The following TBC1D9 variants were observed in gnomAD, a reference collection of about 807,000 sequenced individuals.
TBC1D9 encodes the protein TBC1 domain family member 9.
Under a neutral mutation model 132.0 loss-of-function variants are expected in TBC1D9, and 63 were observed. The observed-to-expected ratio is 0.48, with a 90% CI of 0.39 to 0.59. The LOEUF (loss-of-function observed/expected upper bound fraction) is 0.59, where lower values mean the gene tolerates loss of function less well. Among genes scored for constraint, TBC1D9 ranks in the 20% least tolerant of loss-of-function variants. The pLI, the probability that TBC1D9 is intolerant of heterozygous loss-of-function variation, is 0.00. For missense variants in TBC1D9, 1,261 were observed against 1,592.7 expected, an observed-to-expected ratio of 0.79 and a Z score of 3.54; for synonymous variants, 610 against 609.9, an observed-to-expected ratio of 1.00 and a Z score of 0.00.
chr4:140,712,603 G>A (rs1435714010), intron 1 of TBC1D9, among the ~76,000 whole-genome samples: 4 of 150,288 alleles, frequency 2.7e-5, no homozygotes, highest in African/African-American at 7.3e-5. Flanking sequence ...TTAGCTAGGC[G>A]TAGTGGCGGG....
At chr4:140,631,423 G>A (rs543754138) in intron 16 of TBC1D9, among the ~76,000 whole-genome samples, 43 of 151,968 alleles carry the variant, frequency 2.8e-4, no homozygotes, top group African/African-American at 3.9e-4. Context: ...GGGTTTCACC[G>A]TGTTAGCCAG....
intron 9 of TBC1D9, among the ~76,000 whole-genome samples, chr4:140,667,119 C>A (rs1176989803): frequency 1.3e-5 from 2 of 152,216 alleles, no homozygotes; most frequent in Admixed American, 1.3e-4. Flanking sequence ...AGGTGAGACC[C>A]AAGTTGGGCT....
intron 1 of TBC1D9, among the ~76,000 whole-genome samples, chr4:140,715,415 T>C (rs1252984790): frequency 6.6e-6 from 1 of 152,220 alleles, no homozygotes; most frequent in Non-Finnish European, 1.5e-5. Context: ...GCAGTTTGCA[T>C]ACATCCTGGT....
In TBC1D9 at chr4:140,650,078, C is replaced by T. The variant is rs181822509; in HGVS notation, c.2337+7019G>A. Reference sequence around the variant, plus strand: ...ACATAAATATGGAAATTACAAAAAACATTTAGTTTCAATACTCCATGTAAA... The same window carrying T: ...ACATAAATATGGAAATTACAAAAAATATTTAGTTTCAATACTCCATGTAAA... On this transcript the variant is annotated intron_variant, in intron 13 of 20. Transcript: ENST00000442267. Among the ~76,000 whole-genome samples the T allele has an allele frequency of 1.6e-4, 24 of 152,324 alleles. No individual in the cohort carries two copies. The East Asian group carries it at 4.6e-3, about 29-fold the overall frequency.
intron 15 of TBC1D9, among the ~76,000 whole-genome samples, chr4:140,634,744 T>C (rs922078274): frequency 1.3e-5 from 2 of 152,174 alleles, no homozygotes; most frequent in African/African-American, 4.8e-5. Context: ...CCTGCTTCCC[T>C]GCTCACCAAA....
intron 1 of TBC1D9, among the ~76,000 whole-genome samples, chr4:140,751,524 A>G (rs1386172067): frequency 6.6e-6 from 1 of 152,216 alleles, no homozygotes; most frequent in Non-Finnish European, 1.5e-5. Flanking sequence ...CAGAGCAGGA[A>G]AAGACTTATT....
chr4:140,705,114 C>A (rs1476948431), intron 1 of TBC1D9, among the ~76,000 whole-genome samples: 1 of 152,212 alleles, frequency 6.6e-6, no homozygotes, highest in Non-Finnish European at 1.5e-5. Flanking sequence ...TTGAGGTATG[C>A]AGTTGGCCAG....
chr4:140,701,133 C>T (rs562244399), intron 2 of TBC1D9, among the ~76,000 whole-genome samples: 36 of 152,324 alleles, frequency 2.4e-4, no homozygotes, highest in Middle Eastern at 3.4e-3. Context: ...TGACTAGTCT[C>T]GGCCAACTAA....
At chr4:140,635,688 A>G (rs1473241161) in intron 15 of TBC1D9, among the ~76,000 whole-genome samples, 1 of 152,096 alleles carries the variant, frequency 6.6e-6, no homozygotes, top group Non-Finnish European at 1.5e-5. Flanking sequence ...GAGGAGTGGG[A>G]GTAGGGAAGA....
At chr4:140,689,345 A>T (rs1020774116) in intron 2 of TBC1D9, among the ~76,000 whole-genome samples, 1 of 151,716 alleles carries the variant, frequency 6.6e-6, no homozygotes, top group Non-Finnish European at 1.5e-5. Flanking sequence ...CAGCCATAAG[A>T]CCTATCAGCT....
Position 140,621,941 on chromosome 4 carries a change from G to GT in TBC1D9, c.*253dup. 2.5e-6 allele frequency: 1 copy of GT among 405,836 alleles called. No individual in the cohort carries two copies. The highest frequency in any genetic ancestry group is 4.2e-6 in the Non-Finnish European group (1 of 237,514). 25.1% of individuals were successfully genotyped at this position (405,836 alleles called of 1,614,324 possible). On this transcript the variant is annotated 3_prime_UTR_variant, in exon 21 of 21. Coordinates refer to ENST00000442267, the MANE Select transcript of TBC1D9 (RefSeq NM_015130.3). ...ATATCACTGACAGATTCATCTTTTT[G>GT]TTTTTTAGAATTCACGAAATAAACT...
chr4:140,634,872 G>A (rs1225173603), intron 15 of TBC1D9, among the ~76,000 whole-genome samples: 1 of 152,190 alleles, frequency 6.6e-6, no homozygotes, highest in Admixed American at 6.5e-5. Context: ...ACTCCGGCGA[G>A]CAGAATAGAG....
rs372169353 is a variant in TBC1D9 at position 140,622,200 on chromosome 4, C to G, written c.3796G>C (p.Gly1266Arg). Residue 1266 changes from glycine to arginine, a missense_variant, in exon 21 of 21, where the codon GGC becomes CGC. Transcript: ENST00000442267. ...CCCCCGGGAAGGCGCCCGTGTCAGC[C>G]GGACATGGCCGAGATTTCATAGTCA... ...ASDYEISAMS[G>R] The G allele has an allele frequency of 7.6e-6, 12 of 1,575,298 alleles. No individual in the cohort carries two copies. The highest frequency in any genetic ancestry group is 1.0e-5 in the Non-Finnish European group (12 of 1,151,512).
At position 140,686,398 on chromosome 4, in the gene TBC1D9, G is replaced by A; in HGVS notation, c.306C>T (p.Leu102=). Reference sequence around the variant, plus strand: ...TATCATTCTCATTTTCAAAGATGGAGAGTGTCTGCAAGAGATTTTGCTCAA... The same window carrying A: ...TATCATTCTCATTTTCAAAGATGGAAAGTGTCTGCAAGAGATTTTGCTCAA... ...EWLEQNLLQT[L]SIFENENDIT... Residue 102 remains leucine (L), a synonymous_variant, in exon 3 of 21, where the codon CTC becomes CTT. Coordinates refer to ENST00000442267, the MANE Select transcript of TBC1D9 (RefSeq NM_015130.3). 6.2e-7 allele frequency: 1 copy of A among 1,612,338 alleles called. No homozygotes were observed. The highest frequency in any genetic ancestry group is 8.5e-7 in the Non-Finnish European group (1 of 1,178,976).
chr4:140,632,007 T>A (rs1467846510), intron 16 of TBC1D9, among the ~76,000 whole-genome samples: 1 of 152,200 alleles, frequency 6.6e-6, no homozygotes, highest in Middle Eastern at 3.2e-3. Flanking sequence ...CAACCACATC[T>A]GAGAGTTCTC....
intron 2 of TBC1D9, among the ~76,000 whole-genome samples, chr4:140,697,244 C>G (rs1010731360): frequency 6.6e-6 from 1 of 151,862 alleles, no homozygotes; most frequent in African/African-American, 2.4e-5. Context: ...TAGCAGGGCA[C>G]GGTGGTGTGT....
chr4:140,666,992 C>T (rs1578832072), intron 9 of TBC1D9, among the ~76,000 whole-genome samples: 1 of 152,302 alleles, frequency 6.6e-6, no homozygotes, highest in South Asian at 2.1e-4. Flanking sequence ...ATAACGCTGG[C>T]TTTTGCTCTG....
At chr4:140,705,280 C>T (rs1279243064) in intron 1 of TBC1D9, among the ~76,000 whole-genome samples, 1 of 152,226 alleles carries the variant, frequency 6.6e-6, no homozygotes, top group Non-Finnish European at 1.5e-5. Flanking sequence ...TTAATGCCGT[C>T]TCATTCCTAC....
chr4:140,659,517 T>C (rs1737325535), intron 11 of TBC1D9, 71 bp downstream of exon 11: 1 of 1,082,342 alleles, frequency 9.2e-7, no homozygotes, highest in Non-Finnish European at 1.3e-6. Context: ...AATAGTGTTC[T>C]GGCTGGCACC....
Sources: gnomAD v4.1 joint callset for allele counts (sites outside exome capture counted in the v4.1 genomes callset) on GRCh38, gnomAD v4.1.1 for gene constraint, MANE v1.5 for transcripts, NCBI Gene and HGNC (gene_info 2026-07-23, HGNC 2026-07-21) for gene names.